The following ATP6V0E2 variants were observed in gnomAD, a reference collection of about 807,000 sequenced individuals.
ATP6V0E2 encodes the protein V-type proton ATPase subunit e 2.
A neutral mutation model predicts 11.5 loss-of-function variants in ATP6V0E2; 4 were observed. The observed-to-expected ratio is 0.35, with a 90% confidence interval of 0.17 to 0.80. The LOEUF is 0.80. ATP6V0E2 is among the 30% of genes least tolerant of loss of function. The pLI is 0.53. For synonymous variants in ATP6V0E2, 52 were observed against 51.0 expected, an observed-to-expected ratio of 1.02 and a Z score of -0.09; for missense variants, 93 against 113.5, an observed-to-expected ratio of 0.82 and a Z score of 0.82.
chr7:149,873,993 C>G lies in ATP6V0E2; in HGVS notation c.-73C>G, dbSNP rs1438502796. The G allele has an allele frequency of 6.5e-7, 1 of 1,545,046 alleles. No homozygotes were observed. The highest frequency in any genetic ancestry group is 8.7e-7 in the Non-Finnish European group (1 of 1,145,600). On this transcript the variant is annotated 5_prime_UTR_variant, in exon 1 of 4. Transcript: ENST00000425642. ...TGTTGCGCATGCTCAGCGCGCTGCC[C>G]GGCTGGGGACCCGCGCACCTGCAGC...
chr7:149,877,651 A>G (rs997353216), intron 2 of ATP6V0E2, among the ~76,000 whole-genome samples: 2 of 146,910 alleles, frequency 1.4e-5, no homozygotes, highest in African/African-American at 2.5e-5. Flanking sequence ...TCAGGGCTTG[A>G]GAAAAGATCC....
intron 2 of ATP6V0E2, among the ~76,000 whole-genome samples, chr7:149,876,297 A>T (rs1803133163): frequency 6.6e-6 from 1 of 151,984 alleles, no homozygotes; most frequent in Non-Finnish European, 1.5e-5. Context: ...AATCGCTTGA[A>T]CCCGGGAGAC....
At chr7:149,875,084 A>G (rs1300434503) in intron 1 of ATP6V0E2, 4 of 154,452 alleles carry the variant, frequency 2.6e-5, no homozygotes, top group African/African-American at 9.6e-5. Context: ...CACTTGAAGC[A>G]TCTGTCTCTG....
chr7:149,879,401 C>T lies in ATP6V0E2; in HGVS notation c.*86C>T, dbSNP rs745322377. On this transcript the variant is annotated 3_prime_UTR_variant, in exon 4 of 4. Transcript: ENST00000425642. The stretch of plus-strand genomic sequence containing the variant: ...CAACCCCTTCGTCCGGACCCTCCCC[C>T]ACACAACTATGTCTGGTCACCAGCT... 4.4e-6 allele frequency: 7 copies of T among 1,601,668 alleles called. No homozygotes were observed. The African/African-American group carries it at 9.4e-5, about 22-fold the overall frequency.
At position 149,879,648 on chromosome 7, in the gene ATP6V0E2, G is replaced by A. The variant is rs764855554; in HGVS notation, c.*333G>A. On this transcript the variant is annotated 3_prime_UTR_variant, in exon 4 of 4. Transcript: ENST00000425642. ...GGTGGGGTCTTTCCCTTTACAGACG[G>A]GGCAGATGCCAGGACTCAGCCCATC... The A allele has an allele frequency of 1.7e-5, 25 of 1,457,400 alleles. No homozygotes were observed. The highest frequency in any genetic ancestry group is 2.0e-5 in the Non-Finnish European group (22 of 1,102,086). The allele number at this position is 1,457,400 out of a possible 1,614,324, so 90.3% of individuals were successfully genotyped here. A position where few individuals can be genotyped will look rare whatever the true frequency, so the allele number is the denominator to read the frequency against.
At chr7:149,879,175 C>G in intron 3 of ATP6V0E2, 160 bp from the exon 4 acceptor site, 1 of 1,401,014 alleles carries the variant, frequency 7.1e-7, no homozygotes. Flanking sequence ...GCGCTTCACC[C>G]CAAGGCAAGA....
intron 2 of ATP6V0E2, among the ~76,000 whole-genome samples, chr7:149,876,316 C>T (rs972310070): frequency 5.9e-5 from 9 of 152,156 alleles, no homozygotes; most frequent in Non-Finnish European, 1.0e-4. Flanking sequence ...ACGGAGGTTG[C>T]GGTGAGCCAA....
chr7:149,874,447 G>A (rs1803018420), intron 1 of ATP6V0E2: 1 of 404,146 alleles, frequency 2.5e-6, no homozygotes. Context: ...GGCACAAGTG[G>A]GCACTGACGC....
At chr7:149,877,393 G>A (rs1803210409) in intron 2 of ATP6V0E2, among the ~76,000 whole-genome samples, 1 of 151,984 alleles carries the variant, frequency 6.6e-6, no homozygotes, top group African/African-American at 2.4e-5. Context: ...TGTTGCTAAG[G>A]CTGTGCTTGA....
At chr7:149,876,464 A>C (rs4419731) in intron 2 of ATP6V0E2, among the ~76,000 whole-genome samples, 80,520 of 152,016 alleles carry the variant, frequency 0.53, 21,612 homozygotes, top group Middle Eastern at 0.61. Flanking sequence ...GGACTTGAAT[A>C]CCTGGAGAGT....
chr7:149,873,011 A>T (rs12703054), upstream of ATP6V0E2: 29,737 of 152,038 alleles, frequency 0.2, 3,426 homozygotes, highest in Non-Finnish European at 0.26. Context: ...TGTAAAAGGG[A>T]TCTCTACAGA....
upstream of ATP6V0E2, chr7:149,873,583 T>G: frequency 4.3e-6 from 1 of 232,152 alleles, no homozygotes; most frequent in Non-Finnish European, 8.3e-6. Context: ...TCCTCCCGCG[T>G]CCGACCCCCG....
Position 149,875,614 on chromosome 7 carries a change from C to G in ATP6V0E2, c.121C>G (p.Leu41Val). The part of the protein sequence containing the change: ...GPNRGVIITM[L>V]VATAVCCYLF... ...CTGCTGCAGAGTGATCATCACCATG[C>G]TGGTCGCCACCGCCGTCTGCTGTTA... The change falls in exon 2 of 4, where the codon CTG (leucine) becomes GTG (valine). Residue 41 changes from leucine to valine, a missense_variant. By Grantham distance (32) the Leu-to-Val change is conservative. Transcript: ENST00000425642. The G allele has an allele frequency of 6.2e-7, 1 of 1,613,912 alleles. No homozygotes were observed. Among genetic ancestry groups the G allele is most frequent in the Non-Finnish European group, 8.5e-7 (1 of 1,179,880 alleles).
Position 149,879,714 on chromosome 7 carries a change from C to G in ATP6V0E2, c.*399C>G. ...GTCCTCATGGAGAGGGTGCTCCGGC[C>G]CAGGCGGGGGAGTCAGTGCCCAGTC... On this transcript the variant is annotated 3_prime_UTR_variant, in exon 4 of 4. Transcript: ENST00000425642. The G allele has an allele frequency of 7.4e-7, 1 of 1,347,094 alleles. No individual in the cohort carries two copies. The highest frequency in any genetic ancestry group is 2.1e-5 in the South Asian group (1 of 47,840). The allele number at this position is 1,347,094 out of a possible 1,614,324, so 83.4% of individuals were successfully genotyped here. A position where few individuals can be genotyped will look rare whatever the true frequency, so the allele number is the denominator to read the frequency against.
Position 149,879,339 on chromosome 7 carries a change from C to T in ATP6V0E2, c.*24C>T, listed in dbSNP as rs1803322018. 2 of 1,533,950 alleles carry T rather than the reference C, an allele frequency of 1.3e-6. No homozygotes were observed. The highest frequency in any genetic ancestry group is 1.8e-6 in the Non-Finnish European group (2 of 1,136,708). On this transcript the variant is annotated 3_prime_UTR_variant, in exon 4 of 4. Coordinates refer to ENST00000425642, the MANE Select transcript of ATP6V0E2 (RefSeq NM_145230.4). ...TCCATGTGATGTGCTTTTCAGGTGC[C>T]CAGCTCTCGGAATGACTGTGGCTCC...
In ATP6V0E2 at chr7:149,874,110, G is replaced by C; in HGVS notation, c.45G>C (p.Thr15=). The C allele has an allele frequency of 6.5e-7, 1 of 1,549,978 alleles. No homozygotes were observed. Among genetic ancestry groups the C allele is most frequent in the Non-Finnish European group, 8.7e-7 (1 of 1,146,594 alleles). ...CCCTCCCGGTCATCATCTTCACCAC[G>C]TTCTGGGGCCTCGTCGGCATCGCCG... The part of the protein sequence containing the change: ...SFALPVIIFT[T]FWGLVGIAGP... Residue 15 remains threonine, a synonymous_variant, in exon 1 of 4, where the codon ACG becomes ACC. Transcript: ENST00000425642.
chr7:149,873,090 G>T (rs1047399213), upstream of ATP6V0E2: 2 of 152,234 alleles, frequency 1.3e-5, no homozygotes, highest in African/African-American at 2.4e-5. Flanking sequence ...AGGAAAGCAG[G>T]CTCCGTGGTC....
intron 1 of ATP6V0E2, chr7:149,875,112 G>T (rs1803055646): frequency 6.1e-6 from 1 of 164,000 alleles, no homozygotes; most frequent in Non-Finnish European, 1.3e-5. Flanking sequence ...CTGAGTACAC[G>T]CAAAGTGGCT....
intron 3 of ATP6V0E2, chr7:149,879,020 G>C (rs1008551235): frequency 7.8e-7 from 1 of 1,274,374 alleles, no homozygotes; most frequent in South Asian, 1.8e-5. Flanking sequence ...TAGAGTTCTT[G>C]TTGGGATTCA....
Sources: allele counts gnomAD v4.1 joint callset (sites outside exome capture counted in the v4.1 genomes callset), GRCh38; gene constraint gnomAD v4.1.1; transcripts MANE v1.5; gene names NCBI Gene and HGNC (gene_info 2026-07-23, HGNC 2026-07-21).